The following TENM3 variants were observed in gnomAD, a reference collection of about 807,000 sequenced individuals.
TENM3 encodes teneurin-3.
TENM3 carries 63 observed loss-of-function variants against 255.1 expected under a neutral mutation model. The observed-to-expected ratio is 0.25, with a 90% CI of 0.20 to 0.30. The LOEUF is 0.30. TENM3 is among the 10% of genes least tolerant of loss of function. The pLI is 1.00. For synonymous variants in TENM3, 1,306 were observed against 1,322.3 expected (o/e 0.99, Z 0.27); for missense variants, 2,929 against 3,461.1 (o/e 0.85, Z 3.86).
chr4:181,801,876 G>A, the TENM3 span, among the ~76,000 whole-genome samples: 2 of 151,756 alleles, frequency 1.3e-5, no homozygotes, highest in Non-Finnish European at 2.9e-5. Context: ...ATAATTTAGA[G>A]GCAAGTCACC....
the TENM3 span, among the ~76,000 whole-genome samples, chr4:181,851,360 C>CA: frequency 1.3e-5 from 2 of 152,264 alleles, no homozygotes; most frequent in African/African-American, 4.8e-5. Context: ...CGGAGTTACC[C>CA]AGCATAGAAA....
At chr4:181,762,401 G>A in the TENM3 span, among the ~76,000 whole-genome samples, 8 of 152,176 alleles carry the variant, frequency 5.3e-5, no homozygotes, top group East Asian at 3.9e-4. Context: ...CCCTGCCCAC[G>A]TCCATGCTCC....
chr4:182,695,907 G>A (rs1757363474), intron 12 of TENM3, among the ~76,000 whole-genome samples: 1 of 152,278 alleles, frequency 6.6e-6, no homozygotes, highest in Non-Finnish European at 1.5e-5. Context: ...CAGAATTCCT[G>A]TGTTTGTAGG....
the TENM3 span, among the ~76,000 whole-genome samples, chr4:181,812,010 T>C: frequency 1.3e-5 from 2 of 152,252 alleles, no homozygotes; most frequent in African/African-American, 4.8e-5. Flanking sequence ...TTAATTTCTC[T>C]TTTCTTAAAA....
intron 1 of TENM3, among the ~76,000 whole-genome samples, chr4:182,197,540 A>G (rs1753904180): frequency 6.6e-6 from 1 of 152,194 alleles, no homozygotes; most frequent in Non-Finnish European, 1.5e-5. Flanking sequence ...TAATTATCCC[A>G]CCGTGGTATT....
At chr4:181,602,848 T>C in the TENM3 span, among the ~76,000 whole-genome samples, 3 of 152,200 alleles carry the variant, frequency 2.0e-5, no homozygotes, top group Non-Finnish European at 4.4e-5. Flanking sequence ...TTAGTGCATA[T>C]GCCACATATC....
At chr4:182,094,953 A>G in the TENM3 span, among the ~76,000 whole-genome samples, 4,095 of 142,202 alleles carry the variant, frequency 0.029, 96 homozygotes, top group South Asian at 0.065. Context: ...AAAAAAAAAA[A>G]AAAGGAAATT....
chr4:181,527,641 A>C, the TENM3 span, among the ~76,000 whole-genome samples: 3 of 143,302 alleles, frequency 2.1e-5, no homozygotes, highest in East Asian at 6.1e-4. Context: ...TTTTTTTTTT[A>C]ATATAAAAGG....
At chr4:182,365,462 G>C (rs1212946973) in intron 3 of TENM3, among the ~76,000 whole-genome samples, 1 of 152,182 alleles carries the variant, frequency 6.6e-6, no homozygotes, top group Non-Finnish European at 1.5e-5. Context: ...AAGAACAGGT[G>C]TACGTGAGCT....
intron 4 of TENM3, among the ~76,000 whole-genome samples, chr4:182,623,810 C>T (rs186548936): frequency 2.0e-4 from 30 of 152,226 alleles, no homozygotes; most frequent in African/African-American, 6.3e-4. Flanking sequence ...CCTGATATTG[C>T]GGGGGTCGCC....
At chr4:182,454,740 A>G (rs1300674581) in intron 3 of TENM3, among the ~76,000 whole-genome samples, 2 of 152,310 alleles carry the variant, frequency 1.3e-5, no homozygotes, top group African/African-American at 4.8e-5. Flanking sequence ...CTTGTGATGT[A>G]TTTTATATCA....
intron 1 of TENM3, among the ~76,000 whole-genome samples, chr4:182,296,423 G>A (rs1485282085): frequency 6.6e-6 from 1 of 152,086 alleles, no homozygotes; most frequent in Non-Finnish European, 1.5e-5. Context: ...GAAGGCTATG[G>A]GTTACTTTTG....
the TENM3 span, among the ~76,000 whole-genome samples, chr4:181,948,252 A>C: frequency 1.1e-4 from 17 of 152,294 alleles, no homozygotes; most frequent in African/African-American, 4.1e-4. Flanking sequence ...GGGGGGAAAA[A>C]ATAGAGACTA....
intron 3 of TENM3, among the ~76,000 whole-genome samples, chr4:182,536,316 T>C (rs1232743288): frequency 6.6e-6 from 1 of 152,228 alleles, no homozygotes; most frequent in Non-Finnish European, 1.5e-5. Context: ...CTCTCAAGTC[T>C]TTCTTCTATC....
chr4:182,333,174 A>G (rs1194863149), intron 2 of TENM3, among the ~76,000 whole-genome samples: 1 of 152,222 alleles, frequency 6.6e-6, no homozygotes, highest in African/African-American at 2.4e-5. Flanking sequence ...ACCACCCTTC[A>G]TAACAGATGG....
chr4:181,847,454 G>A, the TENM3 span, among the ~76,000 whole-genome samples: 1 of 151,914 alleles, frequency 6.6e-6, no homozygotes, highest in South Asian at 2.1e-4. Flanking sequence ...CCTACTTATG[G>A]GCTTTCTATG....
rs1766752120 is a variant in TENM3, at chr4:182,799,578, CTT to C, written c.7345-15_7345-14del. On this transcript the variant is annotated splice_polypyrimidine_tract_variant and intron_variant, in intron 27 of 27. Transcript: ENST00000511685. This position sits in a 1 kb window ranked among gnomAD's most constrained non-coding sequence, Gnocchi z 4.2. ...CCCGGCCGCCTCTGACGCGCCCCCTCTTTTGTTTCGCCCGCAGCCCATCTTCG... is the reference window on the plus strand; with the variant it reads ...CCCGGCCGCCTCTGACGCGCCCCCTCTTGTTTCGCCCGCAGCCCATCTTCG... 1 of 1,532,770 alleles carries C rather than the reference CTT, an allele frequency of 6.5e-7. No individual in the cohort carries two copies. The highest frequency in any genetic ancestry group is 1.2e-5 in the South Asian group (1 of 83,770). 94.9% of individuals were successfully genotyped at this position (1,532,770 alleles called of 1,614,324 possible).
intron 3 of TENM3, among the ~76,000 whole-genome samples, chr4:182,420,247 T>C (rs538599784): frequency 6.6e-6 from 1 of 152,130 alleles, no homozygotes; most frequent in Non-Finnish European, 1.5e-5. Context: ...ATTCGAGTTA[T>C]AAGACAGATG....
chr4:181,722,881 T>C, the TENM3 span, among the ~76,000 whole-genome samples: 2 of 152,050 alleles, frequency 1.3e-5, no homozygotes, highest in African/African-American at 4.8e-5. Context: ...TAGGTGAGTC[T>C]TGGTAAGCAC....
Sources: allele counts gnomAD v4.1 joint callset (sites outside exome capture counted in the v4.1 genomes callset), GRCh38; gene constraint gnomAD v4.1.1; non-coding constraint Gnocchi (gnomAD v3.1); transcripts MANE v1.5; gene names NCBI Gene and HGNC (gene_info 2026-07-23, HGNC 2026-07-21).